MBTD1: variants seen among roughly 807,000 people sequenced by gnomAD.
The protein encoded by MBTD1 is MBT domain-containing protein 1.
In MBTD1, 24 loss-of-function variants were observed where a neutral mutation model predicts 87.8. That is an observed-to-expected ratio of 0.27 (90% CI 0.20 to 0.38). The LOEUF (loss-of-function observed/expected upper bound fraction) is 0.38, where lower values mean the gene tolerates loss of function less well. Among genes scored for constraint, MBTD1 ranks in the 10% least tolerant of loss-of-function variants. The pLI is 1.00. For synonymous variants in MBTD1, 237 were observed against 248.6 expected (o/e 0.95, Z 0.44); for missense variants, 436 against 760.2 (o/e 0.57, Z 5.02).
intron 2 of MBTD1, among the ~76,000 whole-genome samples, chr17:51,228,639 G>T (rs953102342): frequency 6.6e-6 from 1 of 151,450 alleles, no homozygotes; most frequent in Non-Finnish European, 1.5e-5. Flanking sequence ...GGCTGGGCGC[G>T]GTGGGTCACG....
At chr17:51,203,014 T>C (rs2051583302) in intron 9 of MBTD1, 79 bp from the exon 10 acceptor site, 17 of 1,297,266 alleles carry the variant, frequency 1.3e-5, no homozygotes, top group Non-Finnish European at 1.9e-5. Context: ...CTGTAAAAAA[T>C]ACTGAATGCA....
intron 2 of MBTD1, among the ~76,000 whole-genome samples, chr17:51,239,233 C>A (rs1329720555): frequency 6.6e-6 from 1 of 151,942 alleles, no homozygotes; most frequent in Non-Finnish European, 1.5e-5. Context: ...AGTAAAAGAG[C>A]AAATGTCTAT....
intron 12 of MBTD1, among the ~76,000 whole-genome samples, chr17:51,197,505 C>CTTAAT (rs2051201129): frequency 1.3e-5 from 2 of 150,246 alleles, no homozygotes; most frequent in Admixed American, 6.6e-5. Context: ...GCTCACTACT[C>CTTAAT]TTAATTTTTC....
chr17:51,218,575 T>C (rs1423005096), intron 5 of MBTD1, among the ~76,000 whole-genome samples: 1 of 151,900 alleles, frequency 6.6e-6, no homozygotes, highest in Non-Finnish European at 1.5e-5. Flanking sequence ...AAATGGTCCT[T>C]TCCTTAATCT....
Position 51,220,472 on chromosome 17 carries a change from CAAAAT to C in MBTD1, c.155-14_155-10del, listed in dbSNP as rs1484342614. 3.9e-6 allele frequency: 6 copies of C among 1,531,708 alleles called. No homozygotes were observed. The highest frequency in any genetic ancestry group is 4.4e-6 in the Non-Finnish European group (5 of 1,134,652). 94.9% of individuals were successfully genotyped at this position (1,531,708 alleles called of 1,614,324 possible). The stretch of plus-strand genomic sequence containing the variant: ...ACACATCTCACAGGTAGCTAATTAA[CAAAAT>C]AAAAACACTGGTGTTATGATGATAT... On this transcript the variant is annotated splice_polypyrimidine_tract_variant and intron_variant, in intron 3 of 16. Transcript: ENST00000586178.
intron 3 of MBTD1, among the ~76,000 whole-genome samples, chr17:51,221,957 A>C (rs1480779781): frequency 2.6e-5 from 4 of 152,212 alleles, no homozygotes; most frequent in Admixed American, 2.6e-4. Flanking sequence ...AAATGCCAGA[A>C]GATTGCAGGT....
intron 9 of MBTD1, 67 bp from the exon 10 acceptor site, chr17:51,203,002 T>G: frequency 7.3e-7 from 1 of 1,371,574 alleles, no homozygotes; most frequent in African/African-American, 1.4e-5. Context: ...TTTTGTATTA[T>G]ACTGTAAAAA....
intron 2 of MBTD1, among the ~76,000 whole-genome samples, chr17:51,258,577 A>G (rs1485575777): frequency 6.6e-6 from 1 of 152,010 alleles, no homozygotes; most frequent in Non-Finnish European, 1.5e-5. Context: ...TCCGAGGAAC[A>G]CAGGTCAAAT....
At chr17:51,236,082 GTA>G (rs957404077) in intron 2 of MBTD1, among the ~76,000 whole-genome samples, 1 of 151,716 alleles carries the variant, frequency 6.6e-6, no homozygotes, top group Admixed American at 6.6e-5. Flanking sequence ...CATATAGAGT[GTA>G]TATATATATC....
rs149449970 is a variant in MBTD1 at position 51,221,896 on chromosome 17, G to T, written c.155-1433C>A. ...GAACCAATCCCCCATGGATACCAGG[G>T]GACAACTGTACTTACTTACAAATCT... is the stretch of plus-strand genomic sequence containing the variant. On this transcript the variant is annotated intron_variant, in intron 3 of 16. Transcript: ENST00000586178. 6.6e-5 allele frequency among the ~76,000 whole-genome samples: 10 copies of T among 152,172 alleles called. No individual in the cohort carries two copies. In the East Asian group the frequency reaches 1.9e-3, roughly 29 times the overall value.
chr17:51,193,585 A>G, intron 13 of MBTD1, 75 bp from the exon 14 acceptor site: 1 of 830,100 alleles, frequency 1.2e-6, no homozygotes, highest in Non-Finnish European at 2.0e-6. Flanking sequence ...AAAAAGTAAC[A>G]GTACAAAAAA....
chr17:51,211,431 C>G (rs962675850), intron 6 of MBTD1, among the ~76,000 whole-genome samples: 6 of 149,686 alleles, frequency 4.0e-5, no homozygotes, highest in African/African-American at 1.5e-4. Flanking sequence ...CACCTGAGCC[C>G]AAGAAGTTGA....
intron 16 of MBTD1, among the ~76,000 whole-genome samples, chr17:51,190,401 C>T (rs2050738202): frequency 6.6e-6 from 1 of 151,948 alleles, no homozygotes; most frequent in African/African-American, 2.4e-5. Flanking sequence ...GCCACCGCGT[C>T]CAGTCCAATT....
At chr17:51,188,729 T>C (rs1045905885) in intron 16 of MBTD1, among the ~76,000 whole-genome samples, 2 of 150,514 alleles carry the variant, frequency 1.3e-5, no homozygotes, top group Admixed American at 6.6e-5. Flanking sequence ...TACTTCCTTA[T>C]CCTCAATTCC....
chr17:51,260,573 T>A (rs1179722714), upstream of MBTD1: 15 of 1,609,870 alleles, frequency 9.3e-6, no homozygotes, highest in Non-Finnish European at 1.2e-5. Flanking sequence ...GCGTTTCTCC[T>A]CAAACCTAAC....
At position 51,179,504 on chromosome 17, in the gene MBTD1, A is replaced by ATATTTATATT. The variant is rs1555673762; in HGVS notation, c.*1071_*1072insAATATAAATA. On this transcript the variant is annotated 3_prime_UTR_variant, in exon 17 of 17. Transcript: ENST00000586178. ...CAATTTTATATATATATATATATAT[A>ATATTTATATT]TATATATATATATATATATATATAT... The ATATTTATATT allele has an allele frequency of 9.5e-4, 76 of 80,182 alleles. 6 individuals carry two copies. The highest frequency in any genetic ancestry group is 1.5e-3 in the Non-Finnish European group (58 of 38,320). 5.0% of individuals were successfully genotyped at this position (80,182 alleles called of 1,614,324 possible).
In MBTD1 at chr17:51,220,590, C is replaced by T. The variant is rs1214543576; in HGVS notation, c.155-127G>A. 4.0e-6 allele frequency: 3 copies of T among 751,424 alleles called. No homozygotes were observed. In the Admixed American group the frequency reaches 8.6e-5, roughly 22 times the overall value. The allele number at this position is 751,424 out of a possible 1,614,324, so 46.5% of individuals were successfully genotyped here. A position where few individuals can be genotyped will look rare whatever the true frequency, so the allele number is the denominator to read the frequency against. ...AAAAAATTTGCCTTGAACATTTCTT[C>T]TATCTCCTATACAAATGATAAAGAA... On this transcript the variant is annotated intron_variant, in intron 3 of 16. Coordinates refer to ENST00000586178, the MANE Select transcript of MBTD1 (RefSeq NM_017643.3).
intron 2 of MBTD1, among the ~76,000 whole-genome samples, chr17:51,240,128 T>C (rs776076682): frequency 3.9e-5 from 6 of 152,294 alleles, no homozygotes; most frequent in Middle Eastern, 3.4e-3. Context: ...TTCTCAAAAG[T>C]CTTTTTTTCT....
intron 6 of MBTD1, among the ~76,000 whole-genome samples, chr17:51,207,482 G>C (rs2051916448): frequency 6.6e-6 from 1 of 152,180 alleles, no homozygotes. Flanking sequence ...TAAATTCATA[G>C]ATTAGAAATC....
Sources: gnomAD v4.1 joint callset for allele counts (sites outside exome capture counted in the v4.1 genomes callset) on GRCh38, gnomAD v4.1.1 for gene constraint, MANE v1.5 for transcripts, NCBI Gene and HGNC (gene_info 2026-07-23, HGNC 2026-07-21) for gene names.